The following ENTREP2 variants were observed in gnomAD, a reference collection of about 807,000 sequenced individuals.
ENTREP2 encodes the protein protein ENTREP2.
chr15:29,657,071 C>G, the ENTREP2 span, among the ~76,000 whole-genome samples: 2,205 of 152,134 alleles, frequency 0.014, 48 homozygotes, highest in African/African-American at 0.05. Flanking sequence ...TTTTTGAGAC[C>G]GAGTCTCCCG....
chr15:29,320,156 C>G, the ENTREP2 span, among the ~76,000 whole-genome samples: 6 of 152,124 alleles, frequency 3.9e-5, no homozygotes, highest in Admixed American at 1.3e-4. Context: ...CCCAGAGATA[C>G]AGGCCCACTA....
At chr15:29,379,990 C>T in the ENTREP2 span, among the ~76,000 whole-genome samples, 3 of 151,766 alleles carry the variant, frequency 2.0e-5, no homozygotes, top group African/African-American at 7.3e-5. Flanking sequence ...GGATGTCAAC[C>T]CCACAGTCAG....
the ENTREP2 span, among the ~76,000 whole-genome samples, chr15:29,463,084 A>G: frequency 6.6e-6 from 1 of 152,118 alleles, no homozygotes; most frequent in Non-Finnish European, 1.5e-5. Context: ...TGGACATAGG[A>G]ATGGCGACTG....
the ENTREP2 span, among the ~76,000 whole-genome samples, chr15:29,175,145 G>C: frequency 6.6e-6 from 1 of 152,112 alleles, no homozygotes; most frequent in South Asian, 2.1e-4. Flanking sequence ...GAGAGCCAGG[G>C]CTCCAAAGCC....
At chr15:29,246,835 T>C in the ENTREP2 span, among the ~76,000 whole-genome samples, 2 of 151,712 alleles carry the variant, frequency 1.3e-5, no homozygotes, top group African/African-American at 4.8e-5. Context: ...ACTCCCTGTT[T>C]AACAGCAGAG....
the ENTREP2 span, among the ~76,000 whole-genome samples, chr15:29,479,849 T>C: frequency 4.0e-4 from 61 of 152,106 alleles, no homozygotes; most frequent in Admixed American, 6.5e-4. Context: ...AGGTCTGGAA[T>C]TGTAGCAGCT....
At chr15:29,629,507 T>A in the ENTREP2 span, among the ~76,000 whole-genome samples, 1 of 152,332 alleles carries the variant, frequency 6.6e-6, no homozygotes, top group South Asian at 2.1e-4. Flanking sequence ...CCAAAATATA[T>A]GAAGCATATC....
chr15:29,313,023 G>A, the ENTREP2 span, among the ~76,000 whole-genome samples: 1 of 152,186 alleles, frequency 6.6e-6, no homozygotes, highest in East Asian at 1.9e-4. Context: ...TCGCTGATTT[G>A]GAGAAACTAT....
At chr15:29,158,902 A>C in the ENTREP2 span, among the ~76,000 whole-genome samples, 1 of 152,254 alleles carries the variant, frequency 6.6e-6, no homozygotes, top group Non-Finnish European at 1.5e-5. Flanking sequence ...TACAGTTGAT[A>C]AATTATTTTG....
At chr15:29,321,649 C>CAA in the ENTREP2 span, among the ~76,000 whole-genome samples, 1 of 64,368 alleles carries the variant, frequency 1.6e-5, no homozygotes, top group Non-Finnish European at 3.2e-5. Flanking sequence ...GACTCTGTCT[C>CAA]AAAAAAAAAA....
At chr15:29,471,564 G>C in the ENTREP2 span, among the ~76,000 whole-genome samples, 1 of 152,112 alleles carries the variant, frequency 6.6e-6, no homozygotes, top group African/African-American at 2.4e-5. Flanking sequence ...GGAATAAAGG[G>C]AGTAGCAAAG....
the ENTREP2 span, among the ~76,000 whole-genome samples, chr15:29,418,294 C>A: frequency 2.6e-5 from 4 of 152,154 alleles, no homozygotes; most frequent in Admixed American, 6.5e-5. Flanking sequence ...ATCCAGATAT[C>A]TAGAAAGTAG....
chr15:29,233,687 C>T, the ENTREP2 span: 6 of 1,137,694 alleles, frequency 5.3e-6, no homozygotes, highest in Middle Eastern at 1.2e-3. Context: ...AGCGCATCTC[C>T]TGTTGCACGC....
the ENTREP2 span, among the ~76,000 whole-genome samples, chr15:29,214,185 C>G: frequency 6.6e-6 from 1 of 152,190 alleles, no homozygotes; most frequent in Non-Finnish European, 1.5e-5. Context: ...CATCCCATTA[C>G]TGGGTATATA....
chr15:29,331,556 C>A, the ENTREP2 span, among the ~76,000 whole-genome samples: 1 of 152,298 alleles, frequency 6.6e-6, no homozygotes, highest in Non-Finnish European at 1.5e-5. Context: ...TATCTATGTG[C>A]AACTGACAGA....
chr15:29,433,204 G>A, the ENTREP2 span, among the ~76,000 whole-genome samples: 1 of 152,172 alleles, frequency 6.6e-6, no homozygotes, highest in Admixed American at 6.5e-5. Context: ...TCACAGGTGG[G>A]TGAGTGTCTA....
chr15:29,606,683 A>G, the ENTREP2 span, among the ~76,000 whole-genome samples: 1 of 152,112 alleles, frequency 6.6e-6, no homozygotes, highest in Non-Finnish European at 1.5e-5. Context: ...TATAAGTCAC[A>G]TAAGACTTTT....
the ENTREP2 span, among the ~76,000 whole-genome samples, chr15:29,161,122 C>A: frequency 1.3e-5 from 2 of 152,144 alleles, no homozygotes; most frequent in African/African-American, 4.8e-5. Context: ...TGCCATGGGC[C>A]CTGAGCATGC....
the ENTREP2 span, chr15:29,121,769 C>T: frequency 1.1e-4 from 17 of 152,238 alleles, no homozygotes; most frequent in African/African-American, 4.1e-4. Context: ...GCAATCGAAG[C>T]CTTTTCAGCC....
Sources: gnomAD v4.1 joint callset for allele counts (sites outside exome capture counted in the v4.1 genomes callset) on GRCh38, gnomAD v4.1.1 for gene constraint, MANE v1.5 for transcripts, NCBI Gene and HGNC (gene_info 2026-07-23, HGNC 2026-07-21) for gene names.